The following SCN8A variants were observed in gnomAD, a reference collection of about 807,000 sequenced individuals.
SCN8A encodes the protein sodium voltage-gated channel alpha subunit 8.
Under a neutral mutation model 184.1 loss-of-function variants are expected in SCN8A, and 30 were observed. That is an observed-to-expected ratio of 0.16 (90% CI 0.12 to 0.22). SCN8A has a LOEUF of 0.22. Among genes scored for constraint, SCN8A ranks in the 10% least tolerant of loss-of-function variants. SCN8A has a pLI of 1.00. For synonymous variants in SCN8A, 852 were observed against 907.0 expected, an observed-to-expected ratio of 0.94 and a Z score of 1.09; for missense variants, 1,057 against 2,498.9, an observed-to-expected ratio of 0.42 and a Z score of 12.30.
chr12:51,684,313 GGAGT>G, intron 3 of SCN8A, 21 bp downstream of exon 3: 1 of 1,128,238 alleles, frequency 8.9e-7, no homozygotes, highest in Non-Finnish European at 1.4e-6. Flanking sequence ...CGGCAAATGT[GGAGT>G]GAGTGCGGCA....
chr12:51,770,116 T>C (rs1942902264), intron 18 of SCN8A, 131 bp downstream of exon 18: 1 of 664,690 alleles, frequency 1.5e-6, no homozygotes, highest in Non-Finnish European at 2.7e-6. Context: ...CACCCCACCA[T>C]TTTGAAGGAA....
At chr12:51,771,949 A>G (rs943325773) in intron 19 of SCN8A, among the ~76,000 whole-genome samples, 2 of 152,226 alleles carry the variant, frequency 1.3e-5, no homozygotes, top group African/African-American at 2.4e-5. Flanking sequence ...TCTCTTTCCC[A>G]TCTCTACAAA....
chr12:51,734,004 T>C (rs1306057162), intron 12 of SCN8A, among the ~76,000 whole-genome samples: 1 of 152,178 alleles, frequency 6.6e-6, no homozygotes, highest in Admixed American at 6.5e-5. Flanking sequence ...ATTTTGTTTA[T>C]CTTTCCAAAA....
At chr12:51,738,094 A>G (rs552402469) in intron 12 of SCN8A, among the ~76,000 whole-genome samples, 1 of 152,290 alleles carries the variant, frequency 6.6e-6, no homozygotes, top group African/African-American at 2.4e-5. Context: ...ATGATTTCCT[A>G]ATCTTTGGTG....
chr12:51,701,615 G>C (rs1941689136), intron 8 of SCN8A, among the ~76,000 whole-genome samples: 1 of 152,182 alleles, frequency 6.6e-6, no homozygotes, highest in African/African-American at 2.4e-5. Context: ...CGTAGTATTT[G>C]AGTCCTGATC....
At chr12:51,595,913 A>G (rs1391469256) in intron 1 of SCN8A, among the ~76,000 whole-genome samples, 1 of 152,178 alleles carries the variant, frequency 6.6e-6, no homozygotes, top group Admixed American at 6.5e-5. Flanking sequence ...TTACTGTACA[A>G]TTGCTCTGCT....
At chr12:51,720,835 G>T (rs1942041255) in intron 11 of SCN8A, among the ~76,000 whole-genome samples, 1 of 151,806 alleles carries the variant, frequency 6.6e-6, no homozygotes, top group Non-Finnish European at 1.5e-5. Flanking sequence ...GGAGGCCGAG[G>T]CGGGTGGATC....
At chr12:51,664,926 C>T (rs1225317874) in intron 2 of SCN8A, among the ~76,000 whole-genome samples, 1 of 152,030 alleles carries the variant, frequency 6.6e-6, no homozygotes, top group Non-Finnish European at 1.5e-5. Context: ...TGATCCCTCC[C>T]ATGTGTCCAT....
intron 12 of SCN8A, among the ~76,000 whole-genome samples, chr12:51,741,421 C>G (rs1942421866): frequency 6.6e-6 from 1 of 152,132 alleles, no homozygotes; most frequent in Non-Finnish European, 1.5e-5. Flanking sequence ...TTTAGCCACT[C>G]TATGTCTTTT....
intron 11 of SCN8A, among the ~76,000 whole-genome samples, chr12:51,720,525 A>G (rs1942035971): frequency 6.6e-6 from 1 of 151,898 alleles, no homozygotes; most frequent in Non-Finnish European, 1.5e-5. Context: ...TAATGGGTGC[A>G]GCACACCAAC....
intron 1 of SCN8A, among the ~76,000 whole-genome samples, chr12:51,600,809 A>G (rs1939447718): frequency 1.3e-5 from 2 of 152,248 alleles, no homozygotes; most frequent in Admixed American, 6.5e-5. Context: ...GCAATTTTTA[A>G]ATCTCATTTA....
At chr12:51,655,494 A>G (rs1940804381) in intron 1 of SCN8A, among the ~76,000 whole-genome samples, 1 of 151,662 alleles carries the variant, frequency 6.6e-6, no homozygotes, top group Non-Finnish European at 1.5e-5. Context: ...TGATCCTCCC[A>G]TCTCAGCCTC....
At chr12:51,652,131 G>A (rs1179360673) in intron 1 of SCN8A, among the ~76,000 whole-genome samples, 1 of 151,992 alleles carries the variant, frequency 6.6e-6, no homozygotes, top group South Asian at 2.1e-4. Flanking sequence ...ATGTTCAAAA[G>A]TAGTCGTCAT....
At chr12:51,645,446 T>C (rs1940559684) in intron 1 of SCN8A, among the ~76,000 whole-genome samples, 1 of 152,086 alleles carries the variant, frequency 6.6e-6, no homozygotes, top group South Asian at 2.1e-4. Context: ...CCACCCTGTC[T>C]GGGAGGTGTA....
At chr12:51,665,466 G>A (rs1325032843) in intron 2 of SCN8A, among the ~76,000 whole-genome samples, 1 of 152,116 alleles carries the variant, frequency 6.6e-6, no homozygotes, top group African/African-American at 2.4e-5. Context: ...AGCTCATAAA[G>A]TATAAATACA....
intron 1 of SCN8A, among the ~76,000 whole-genome samples, chr12:51,622,155 T>A (rs965493126): frequency 6.6e-6 from 1 of 152,256 alleles, no homozygotes; most frequent in Non-Finnish European, 1.5e-5. Context: ...TTTTTTAAAA[T>A]CAACTTTTTA....
At chr12:51,735,107 C>T (rs1050828516) in intron 12 of SCN8A, among the ~76,000 whole-genome samples, 1 of 152,096 alleles carries the variant, frequency 6.6e-6, no homozygotes, top group Non-Finnish European at 1.5e-5. Flanking sequence ...TGTTTAGCTC[C>T]CACAACGAGC....
At chr12:51,791,005 C>T (rs1005186494) in intron 25 of SCN8A, among the ~76,000 whole-genome samples, 1 of 152,146 alleles carries the variant, frequency 6.6e-6, no homozygotes, top group African/African-American at 2.4e-5. Flanking sequence ...CTCTCTTGAG[C>T]TGAGCCTTTT....
chr12:51,707,931 C>T (rs1432850416), intron 11 of SCN8A, among the ~76,000 whole-genome samples: 1 of 152,126 alleles, frequency 6.6e-6, no homozygotes, highest in African/African-American at 2.4e-5. Flanking sequence ...TCACTATGCT[C>T]CATATTGTTC....
Sources: allele counts gnomAD v4.1 joint callset (sites outside exome capture counted in the v4.1 genomes callset), GRCh38; gene constraint gnomAD v4.1.1; transcripts MANE v1.5; gene names NCBI Gene and HGNC (gene_info 2026-07-23, HGNC 2026-07-21).